Variants in ZNF420 observed in about 807,000 individuals in gnomAD.
The protein encoded by ZNF420 is ATM and p53-associated KZNF protein.
ZNF420 carries 31 observed loss-of-function variants against 44.7 expected under a neutral mutation model. The ratio of observed to expected loss-of-function variants is 0.69; its 90% confidence interval spans 0.52 to 0.94. The LOEUF (loss-of-function observed/expected upper bound fraction) is 0.94, where lower values mean the gene tolerates loss of function less well. Among genes scored for constraint, ZNF420 ranks in the 40% least tolerant of loss-of-function variants. The pLI is 0.00. For synonymous variants in ZNF420, 245 were observed against 267.4 expected, an observed-to-expected ratio of 0.92 and a Z score of 0.82; for missense variants, 681 against 827.9, an observed-to-expected ratio of 0.82 and a Z score of 2.18.
chr19:37,035,851 CAAAG>C (rs1272481747), intron 1 of ZNF420, among the ~76,000 whole-genome samples: 2 of 152,198 alleles, frequency 1.3e-5, no homozygotes, highest in Non-Finnish European at 2.9e-5. Flanking sequence ...ATATATGACT[CAAAG>C]AAAGATTCCT....
chr19:37,118,943 G>A (rs1030159985), intron 4 of ZNF420, among the ~76,000 whole-genome samples: 102 of 152,172 alleles, frequency 6.7e-4, no homozygotes, highest in Middle Eastern at 3.4e-3. Context: ...ATATGCATCC[G>A]ATACAGGAGC....
intron 1 of ZNF420, among the ~76,000 whole-genome samples, chr19:37,055,310 T>C (rs1403215220): frequency 6.6e-6 from 1 of 152,166 alleles, no homozygotes; most frequent in Non-Finnish European, 1.5e-5. Flanking sequence ...CGCTTAATCC[T>C]GGGAGATTGA....
intron 1 of ZNF420, among the ~76,000 whole-genome samples, chr19:37,035,282 T>A (rs1326066738): frequency 6.6e-6 from 1 of 152,230 alleles, no homozygotes; most frequent in Non-Finnish European, 1.5e-5. Context: ...CCAACCACTT[T>A]CAGTTTGGGG....
chr19:37,041,289 C>A (rs1474119583), intron 1 of ZNF420, among the ~76,000 whole-genome samples: 4 of 145,078 alleles, frequency 2.8e-5, no homozygotes, highest in East Asian at 4.0e-4. Flanking sequence ...CCAGCCTGGG[C>A]GACGGAGTGA....
intron 1 of ZNF420, among the ~76,000 whole-genome samples, chr19:37,010,329 G>A (rs901295893): frequency 6.6e-6 from 1 of 152,134 alleles, no homozygotes; most frequent in Admixed American, 6.5e-5. Context: ...TCAACTGCCG[G>A]GACGGTGTTC....
chr19:37,090,489 A>G (rs764268030), intron 3 of ZNF420, among the ~76,000 whole-genome samples: 1 of 152,176 alleles, frequency 6.6e-6, no homozygotes, highest in Non-Finnish European at 1.5e-5. Flanking sequence ...AGCCTGGATG[A>G]CAGAGCAAGA....
intron 1 of ZNF420, among the ~76,000 whole-genome samples, chr19:37,036,893 C>T (rs1276133938): frequency 6.6e-6 from 1 of 152,114 alleles, no homozygotes; most frequent in Admixed American, 6.5e-5. Context: ...ATAAATATAC[C>T]GCCATAATAA....
chr19:37,008,705 C>G (rs1275372494), intron 1 of ZNF420, among the ~76,000 whole-genome samples: 1 of 152,216 alleles, frequency 6.6e-6, no homozygotes, highest in East Asian at 1.9e-4. Flanking sequence ...GGACAAGTCA[C>G]CCGTTTGGCA....
chr19:37,026,275 A>G (rs887029797), intron 1 of ZNF420, among the ~76,000 whole-genome samples: 3 of 151,426 alleles, frequency 2.0e-5, no homozygotes, highest in Non-Finnish European at 4.4e-5. Context: ...CTCCTGCCTC[A>G]GCCTCCCGAG....
rs572465585 is a variant in ZNF420 at position 37,011,833 on chromosome 19, A to T, written c.-125+3751A>T. On this transcript the variant is annotated intron_variant, in intron 1 of 4. Transcript: ENST00000587029. ...TGTGGTCGCATTGGCTCCACCTTGGACTCGCCCCTGTTCCTGTTTGCACGT... is the reference window on the plus strand; with the variant it reads ...TGTGGTCGCATTGGCTCCACCTTGGTCTCGCCCCTGTTCCTGTTTGCACGT... Among the ~76,000 whole-genome samples the T allele has an allele frequency of 3.3e-5, 5 of 151,362 alleles. No individual in the cohort carries two copies. In the East Asian group the frequency reaches 9.8e-4, roughly 30 times the overall value.
At chr19:37,033,212 A>G (rs1391807768) in intron 1 of ZNF420, among the ~76,000 whole-genome samples, 1 of 152,194 alleles carries the variant, frequency 6.6e-6, no homozygotes, top group Non-Finnish European at 1.5e-5. Context: ...ATAGCATAAC[A>G]TTTGCCATTT....
chr19:37,044,900 G>A (rs1967517400), intron 1 of ZNF420, among the ~76,000 whole-genome samples: 1 of 152,176 alleles, frequency 6.6e-6, no homozygotes, highest in Admixed American at 6.5e-5. Flanking sequence ...CTGGTGTGAA[G>A]GGATCCACCA....
At chr19:37,092,342 C>G (rs978911102) in intron 4 of ZNF420, 1 of 152,126 alleles carries the variant, frequency 6.6e-6, no homozygotes, top group African/African-American at 2.4e-5. Flanking sequence ...TTTTTATTAT[C>G]ATTCTTCCCA....
chr19:37,098,338 A>T (rs1246324777), intron 4 of ZNF420, among the ~76,000 whole-genome samples: 1 of 152,204 alleles, frequency 6.6e-6, no homozygotes, highest in African/African-American at 2.4e-5. Context: ...TATAATAGGT[A>T]CTATGACCAG....
At chr19:37,118,942 C>T (rs193144218) in intron 4 of ZNF420, among the ~76,000 whole-genome samples, 209 of 152,210 alleles carry the variant, frequency 1.4e-3, no homozygotes, top group African/African-American at 4.7e-3. Flanking sequence ...TATATGCATC[C>T]GATACAGGAG....
chr19:37,008,054 T>C, exon 1 of ZNF420: 1 of 250,286 alleles, frequency 4.0e-6, no homozygotes, highest in South Asian at 4.8e-5. Context: ...ACGGCGTCCC[T>C]GCCTCAGGCC....
At position 37,058,907 on chromosome 19, in the gene ZNF420, G is replaced by C. The variant is rs1393280825; in HGVS notation, c.-124-21438G>C. Among the ~76,000 whole-genome samples, 10 of 152,278 alleles carry C rather than the reference G, an allele frequency of 6.6e-5. No individual in the cohort carries two copies. The East Asian group carries it at 1.9e-3, about 30-fold the overall frequency. Reference sequence around the variant, plus strand: ...AGCAGCCCCACGGCTTTGCGAATCGGGGCAGCCCACAGCTCCTCCAAGGGA... The same window carrying C: ...AGCAGCCCCACGGCTTTGCGAATCGCGGCAGCCCACAGCTCCTCCAAGGGA... On this transcript the variant is annotated intron_variant, in intron 1 of 4. Coordinates refer to the ZNF420 transcript ENST00000587029.
intron 2 of ZNF420, among the ~76,000 whole-genome samples, chr19:37,084,423 AT>A (rs1968644127): frequency 6.6e-6 from 1 of 152,070 alleles, no homozygotes; most frequent in Admixed American, 6.5e-5. Context: ...AGTCAAATAG[AT>A]TTGATTGGTA....
chr19:37,123,454 C>T (rs1399269502), intron 4 of ZNF420, among the ~76,000 whole-genome samples: 1 of 152,070 alleles, frequency 6.6e-6, no homozygotes, highest in East Asian at 1.9e-4. Flanking sequence ...TGAATTTTTT[C>T]AGAACACTAA....
Sources: allele counts gnomAD v4.1 joint callset (sites outside exome capture counted in the v4.1 genomes callset), GRCh38; gene constraint gnomAD v4.1.1; transcripts MANE v1.5; gene names NCBI Gene and HGNC (gene_info 2026-07-23, HGNC 2026-07-21).